The following TSPAN1 variants were observed in gnomAD, a reference collection of about 807,000 sequenced individuals.
TSPAN1 encodes tetraspanin-1.
In TSPAN1, 23 loss-of-function variants were observed where a neutral mutation model predicts 26.9. The ratio of observed to expected loss-of-function variants is 0.85; its 90% CI spans 0.62 to 1.21. The LOEUF is 1.21. Among genes scored for constraint, TSPAN1 ranks in the 50% most tolerant of loss-of-function variants. TSPAN1 has a pLI of 0.00. For synonymous variants in TSPAN1, 115 were observed against 114.8 expected (o/e 1.00, Z -0.01); for missense variants, 283 against 298.4 (o/e 0.95, Z 0.38).
At position 46,185,326 on chromosome 1, in the gene TSPAN1, C is replaced by A. The variant is rs773164919; in HGVS notation, c.678+18C>A. On this transcript the variant is annotated intron_variant, in intron 8 of 8. Coordinates refer to ENST00000372003, the MANE Select transcript of TSPAN1 (RefSeq NM_005727.4). Reference sequence around the variant, plus strand: ...GCCTCGAGGTAAGCAGATGAGGAGGCTGGGACTGGGACATGGGCATGAGAC... The same window carrying A: ...GCCTCGAGGTAAGCAGATGAGGAGGATGGGACTGGGACATGGGCATGAGAC... The A allele has an allele frequency of 1.2e-6, 2 of 1,613,604 alleles. No individual in the cohort carries two copies. The highest frequency in any genetic ancestry group is 2.2e-5 in the South Asian group (2 of 91,058).
chr1:46,184,036 C>A, intron 3 of TSPAN1, 155 bp from the exon 4 acceptor site: 1 of 743,716 alleles, frequency 1.3e-6, no homozygotes, highest in Non-Finnish European at 2.3e-6. Context: ...ATTTTTCTGG[C>A]TCTAGAGGAT....
In TSPAN1 at chr1:46,178,354, C is replaced by CAA. The variant is rs34457165; in HGVS notation, c.-141-2159_-141-2158dup. ...CCTGGGCAACAGAGTGAGATTCTGT[C>CAA]AAAAAAAAAAAAAATAGACCTTCTC... On this transcript the variant is annotated intron_variant, in intron 1 of 8. Coordinates refer to ENST00000372003, the MANE Select transcript of TSPAN1 (RefSeq NM_005727.4). 8.9e-3 allele frequency among the ~76,000 whole-genome samples: 1,261 copies of CAA among 142,030 alleles called. 34 individuals carry two copies. In the East Asian group the frequency reaches 0.098, roughly 11 times the overall value. The allele number at this position is 142,030 out of a possible 152,430, so 93.2% of individuals were successfully genotyped here. A position where few individuals can be genotyped will look rare whatever the true frequency, so the allele number is the denominator to read the frequency against.
intron 3 of TSPAN1, chr1:46,183,323 T>A (rs74511574): frequency 6.6e-6 from 1 of 152,282 alleles, no homozygotes; most frequent in Admixed American, 6.5e-5. Flanking sequence ...CAGCTTTCTG[T>A]CCTTGGGCAA....
the TSPAN1 span, chr1:46,194,859 C>T: frequency 1.5e-5 from 24 of 1,614,010 alleles, no homozygotes; most frequent in Non-Finnish European, 1.9e-5. Context: ...TTTCGTCCCA[C>T]GAAGGCCCAT....
chr1:46,188,927 C>A (rs368285518), downstream of TSPAN1: 29 of 1,612,684 alleles, frequency 1.8e-5, no homozygotes, highest in Non-Finnish European at 2.4e-5. Context: ...CAGGTTCGGC[C>A]TGTTTTCAAG....
chr1:46,179,186 G>A (rs896987765), intron 1 of TSPAN1, among the ~76,000 whole-genome samples: 2 of 151,884 alleles, frequency 1.3e-5, no homozygotes, highest in African/African-American at 4.8e-5. Flanking sequence ...CTTGAGTGCC[G>A]GCAAATACCT....
downstream of TSPAN1, chr1:46,189,458 G>A (rs200471699): frequency 5.0e-6 from 8 of 1,613,456 alleles, no homozygotes; most frequent in African/African-American, 5.3e-5. Flanking sequence ...GGTCACTCAC[G>A]AGTAGGGGGA....
the TSPAN1 span, chr1:46,191,035 T>C: frequency 4.3e-6 from 2 of 466,448 alleles, no homozygotes; most frequent in African/African-American, 2.0e-5. Flanking sequence ...CACAGACCCA[T>C]GAACTAGCAG....
chr1:46,184,451 C>T, intron 4 of TSPAN1, 54 bp downstream of exon 4: 2 of 1,611,758 alleles, frequency 1.2e-6, no homozygotes, highest in South Asian at 1.1e-5. Flanking sequence ...TCGCCCTTGA[C>T]ACCAGGCCCT....
At chr1:46,179,989 T>TG (rs1657277485) in intron 1 of TSPAN1, among the ~76,000 whole-genome samples, 2 of 135,488 alleles carry the variant, frequency 1.5e-5, no homozygotes, top group African/African-American at 6.2e-5. Flanking sequence ...GTGTGTGTGT[T>TG]TGTGTGTGTG....
At chr1:46,179,768 A>C (rs114200411) in intron 1 of TSPAN1, among the ~76,000 whole-genome samples, 38 of 152,234 alleles carry the variant, frequency 2.5e-4, no homozygotes, top group African/African-American at 8.9e-4. Flanking sequence ...CTAAGAGAAG[A>C]CTGGGAAGGA....
chr1:46,190,006 G>C, downstream of TSPAN1: 11 of 1,613,436 alleles, frequency 6.8e-6, no homozygotes, highest in Non-Finnish European at 9.3e-6. Context: ...TAGAGGGTGG[G>C]AGAATATAGC....
chr1:46,190,390 C>A, downstream of TSPAN1: 1 of 1,496,618 alleles, frequency 6.7e-7, no homozygotes, highest in Non-Finnish European at 9.3e-7. Context: ...TCATTTTGCA[C>A]AGGACCCTGT....
downstream of TSPAN1, among the ~76,000 whole-genome samples, chr1:46,188,095 C>A (rs1657477548): frequency 6.6e-6 from 1 of 152,228 alleles, no homozygotes; most frequent in Non-Finnish European, 1.5e-5. Context: ...CTTAGATCTT[C>A]CTAACCTCTT....
chr1:46,176,835 C>T (rs1420791114), intron 1 of TSPAN1, among the ~76,000 whole-genome samples: 2 of 152,212 alleles, frequency 1.3e-5, no homozygotes, highest in African/African-American at 2.4e-5. Context: ...ATCTCAGCTA[C>T]TTTACAAGGA....
intron 1 of TSPAN1, among the ~76,000 whole-genome samples, chr1:46,178,314 G>A (rs576128522): frequency 6.0e-5 from 9 of 150,818 alleles, no homozygotes; most frequent in South Asian, 4.2e-4. Context: ...CCAAGATTGC[G>A]CCACTGCATT....
At chr1:46,193,695 CCT>C in the TSPAN1 span, 2 of 1,611,612 alleles carry the variant, frequency 1.2e-6, no homozygotes, top group South Asian at 1.1e-5. Context: ...CTCAGGTTCC[CCT>C]GTGTTTACAG....
At chr1:46,188,056 C>T (rs574621623), downstream of TSPAN1, among the ~76,000 whole-genome samples, 2 of 152,322 alleles carry the variant, frequency 1.3e-5, no homozygotes, top group Non-Finnish European at 2.9e-5. Context: ...TGGACAATCC[C>T]ATCCATTTTC....
chr1:46,179,760 A>C (rs1221300636), intron 1 of TSPAN1, among the ~76,000 whole-genome samples: 1 of 152,134 alleles, frequency 6.6e-6, no homozygotes, highest in Admixed American at 6.5e-5. Flanking sequence ...ACAGAGCGCT[A>C]AGAGAAGACT....
Sources: gnomAD v4.1 joint callset for allele counts (sites outside exome capture counted in the v4.1 genomes callset) on GRCh38, gnomAD v4.1.1 for gene constraint, MANE v1.5 for transcripts, NCBI Gene and HGNC (gene_info 2026-07-23, HGNC 2026-07-21) for gene names.